Variants in ACVR2B observed in about 807,000 individuals in gnomAD.
ACVR2B encodes activin A receptor type 2B.
ACVR2B carries 18 observed loss-of-function variants against 65.1 expected under a neutral mutation model. The ratio of observed to expected loss-of-function variants is 0.28; its 90% CI spans 0.19 to 0.41. ACVR2B has a LOEUF of 0.41. Ranked by LOEUF, ACVR2B falls within the 10% of genes least tolerant of loss-of-function variation. ACVR2B has a pLI of 1.00. For missense variants in ACVR2B, 482 were observed against 682.7 expected, an observed-to-expected ratio of 0.71 and a Z score of 3.28; for synonymous variants, 298 against 277.7, an observed-to-expected ratio of 1.07 and a Z score of -0.73.
intron 1 of ACVR2B, among the ~76,000 whole-genome samples, chr3:38,464,262 CTGT>C (rs1709694556): frequency 6.6e-6 from 1 of 152,190 alleles, no homozygotes; most frequent in African/African-American, 2.4e-5. Flanking sequence ...CCTGGTGTCT[CTGT>C]TGTTCTTGCT....
At chr3:38,475,524 C>T (rs935003339) in intron 1 of ACVR2B, 2 of 152,212 alleles carry the variant, frequency 1.3e-5, no homozygotes, top group African/African-American at 2.4e-5. Flanking sequence ...TTGCTCCTGC[C>T]CCTGGAAGAA....
intron 1 of ACVR2B, chr3:38,459,526 C>A: frequency 1.0e-6 from 1 of 956,748 alleles, no homozygotes; most frequent in Non-Finnish European, 1.2e-6. Context: ...GGAGCTAAGG[C>A]TAGCCCTGTC....
At chr3:38,475,691 C>T (rs969056343) in intron 1 of ACVR2B, 4 of 152,414 alleles carry the variant, frequency 2.6e-5, no homozygotes, top group African/African-American at 9.7e-5. Flanking sequence ...TGAAGGCCAA[C>T]AGTAGGGGTG....
At chr3:38,482,682 C>A in intron 10 of ACVR2B, 122 bp downstream of exon 10, 1 of 1,381,242 alleles carries the variant, frequency 7.2e-7, no homozygotes, top group Non-Finnish European at 9.9e-7. Flanking sequence ...GTTCCCTGGA[C>A]TCTAGGGATG....
chr3:38,491,404 A>G lies in ACVR2B; in HGVS notation c.*8072A>G, dbSNP rs1368438104. On this transcript the variant is annotated 3_prime_UTR_variant, in exon 11 of 11. Coordinates refer to ENST00000352511, the MANE Select transcript of ACVR2B (RefSeq NM_001106.4). ...TCAGTGTGTTCCCAGTGAGGGTCCC[A>G]AGTCAGTCATCTTAAGTGTTTGTTC... The G allele has an allele frequency of 6.6e-6, 1 of 152,658 alleles. No homozygotes were observed. The highest frequency in any genetic ancestry group is 1.5e-5 in the Non-Finnish European group (1 of 68,064). 9.5% of individuals were successfully genotyped at this position (152,658 alleles called of 1,614,324 possible). A position where few individuals can be genotyped will look rare whatever the true frequency, so the allele number is the denominator to read the frequency against.
Position 38,478,377 on chromosome 3 carries a change from C to T in ACVR2B, c.525C>T (p.Asp175=), listed in dbSNP as rs369491443. 6.8e-6 allele frequency: 11 copies of T among 1,613,932 alleles called. No individual in the cohort carries two copies. The African/African-American group carries it at 1.3e-4, about 20-fold the overall frequency. The part of the protein sequence containing the change: ...PPYGHVDIHE[D]PGPPPPSPLV... ...TTTTAAGCCTTGCTCTCCCCCAGGACCCTGGGCCTCCACCACCATCCCCTC... is the reference window on the plus strand; with the variant it reads ...TTTTAAGCCTTGCTCTCCCCCAGGATCCTGGGCCTCCACCACCATCCCCTC... Residue 175 remains aspartate, a splice_region_variant and synonymous_variant, in exon 5 of 11, where the codon GAC becomes GAT. Coordinates refer to ENST00000352511, the MANE Select transcript of ACVR2B (RefSeq NM_001106.4).
In ACVR2B at chr3:38,470,997, G is replaced by A. The variant is rs2125718072; in HGVS notation, c.53-6290G>A. 1.3e-5 allele frequency among the ~76,000 whole-genome samples: 2 copies of A among 152,242 alleles called. 1 individual carries two copies. The highest frequency in any genetic ancestry group is 4.2e-4 in the South Asian group (2 of 4,818). ...TAATGAGACCGAACTCTAATTAAAA[G>A]ATGGTGTTAGATTGAATTGGGGGGA... On this transcript the variant is annotated intron_variant, in intron 1 of 10. Transcript: ENST00000352511.
intron 1 of ACVR2B, among the ~76,000 whole-genome samples, chr3:38,458,793 G>C (rs1474063073): frequency 6.6e-6 from 1 of 152,170 alleles, no homozygotes; most frequent in Non-Finnish European, 1.5e-5. Context: ...ATAGACTCTA[G>C]ATAGTCCTGA....
rs543235274 is a variant in ACVR2B, at chr3:38,486,757, A to G, written c.*3425A>G. 1 of 152,246 alleles carries G rather than the reference A, an allele frequency of 6.6e-6. No individual in the cohort carries two copies. The highest frequency in any genetic ancestry group is 2.1e-4 in the South Asian group (1 of 4,816). The allele number at this position is 152,246 out of a possible 1,614,324, so 9.4% of individuals were successfully genotyped here. ...TCCAAGCAGGCTCCTGGCTGTAGGG[A>G]TGGGCCTTGGGGAAGAATCTTCTTT... On this transcript the variant is annotated 3_prime_UTR_variant, in exon 11 of 11. Coordinates refer to ENST00000352511, the MANE Select transcript of ACVR2B (RefSeq NM_001106.4).
chr3:38,480,277 G>A (rs1709995496), intron 7 of ACVR2B, among the ~76,000 whole-genome samples: 1 of 152,094 alleles, frequency 6.6e-6, no homozygotes, highest in Admixed American at 6.5e-5. Context: ...CCTTATAAAA[G>A]CAAATAAATG....
chr3:38,473,993 T>C (rs1197117462), intron 1 of ACVR2B: 1 of 152,416 alleles, frequency 6.6e-6, no homozygotes, highest in Non-Finnish European at 1.5e-5. Flanking sequence ...GTGATTCTCC[T>C]GCCTCAGCCT....
chr3:38,461,415 A>G (rs1709644856), intron 1 of ACVR2B, among the ~76,000 whole-genome samples: 1 of 152,196 alleles, frequency 6.6e-6, no homozygotes, highest in South Asian at 2.1e-4. Flanking sequence ...GGCATAGTGA[A>G]TCAAGGCTCA....
chr3:38,458,753 T>C (rs889544660), intron 1 of ACVR2B, among the ~76,000 whole-genome samples: 3 of 152,044 alleles, frequency 2.0e-5, no homozygotes, highest in Non-Finnish European at 2.9e-5. Flanking sequence ...GAGGACTGGG[T>C]CTGGATAATA....
chr3:38,468,738 G>C (rs1013097089), intron 1 of ACVR2B, among the ~76,000 whole-genome samples: 25 of 152,208 alleles, frequency 1.6e-4, no homozygotes, highest in African/African-American at 5.8e-4. Flanking sequence ...TGTGTGATCA[G>C]TTACCATGTG....
chr3:38,464,739 A>G (rs991897665), intron 1 of ACVR2B, among the ~76,000 whole-genome samples: 5 of 152,212 alleles, frequency 3.3e-5, no homozygotes, highest in African/African-American at 7.2e-5. Flanking sequence ...ACCAAAATGT[A>G]GACAAACCCT....
In ACVR2B at chr3:38,484,904, TAGAGAA is replaced by T. The variant is rs886058394; in HGVS notation, c.*1574_*1579del. 3.3e-5 allele frequency: 5 copies of T among 152,612 alleles called. No homozygotes were observed. The highest frequency in any genetic ancestry group is 5.9e-5 in the Non-Finnish European group (4 of 68,026). The allele number at this position is 152,612 out of a possible 1,614,324, so 9.5% of individuals were successfully genotyped here. ...TTGTGACAAGGAAGTTTAAAAGAAA[TAGAGAA>T]AAAGAAAAAAGTTTGCATCTTCTAG... On this transcript the variant is annotated 3_prime_UTR_variant, in exon 11 of 11. Coordinates refer to ENST00000352511, the MANE Select transcript of ACVR2B (RefSeq NM_001106.4).
intron 1 of ACVR2B, chr3:38,474,634 C>T (rs892910415): frequency 2.6e-5 from 4 of 152,202 alleles, no homozygotes; most frequent in Non-Finnish European, 1.5e-5. Context: ...TGTTTTATTT[C>T]TCATACAAGT....
chr3:38,478,014 G>T (rs892210920), intron 3 of ACVR2B, 44 bp downstream of exon 3: 3 of 1,607,900 alleles, frequency 1.9e-6, no homozygotes, highest in Admixed American at 3.3e-5. Context: ...CAGCCGACCT[G>T]GGCTTCTTTG....
At chr3:38,470,712 T>C (rs1210730435) in intron 1 of ACVR2B, among the ~76,000 whole-genome samples, 2 of 152,154 alleles carry the variant, frequency 1.3e-5, no homozygotes, top group Non-Finnish European at 2.9e-5. Context: ...TAGATGTACA[T>C]TGGAAGAGTC....
Sources: gnomAD v4.1 joint callset for allele counts (sites outside exome capture counted in the v4.1 genomes callset) on GRCh38, gnomAD v4.1.1 for gene constraint, MANE v1.5 for transcripts, NCBI Gene and HGNC (gene_info 2026-07-23, HGNC 2026-07-21) for gene names.